Variants in RGS17 observed in about 807,000 individuals in gnomAD.
RGS17 encodes the protein regulator of G-protein signaling 17.
In RGS17, 12 loss-of-function variants were observed where a neutral mutation model predicts 25.5. The ratio of observed to expected loss-of-function variants is 0.47; its 90% CI spans 0.30 to 0.76. RGS17 has a LOEUF of 0.76. RGS17 is among the 30% of genes least tolerant of loss of function. The pLI is 0.07. For synonymous variants in RGS17, 71 were observed against 76.9 expected (o/e 0.92, Z 0.40); for missense variants, 196 against 242.2 (o/e 0.81, Z 1.27).
intron 1 of RGS17, among the ~76,000 whole-genome samples, chr6:153,090,889 A>G (rs1430016362): frequency 2.0e-5 from 3 of 152,124 alleles, no homozygotes; most frequent in Non-Finnish European, 2.9e-5. Flanking sequence ...AGGTGTCCAC[A>G]GGGGTCTTGG....
At chr6:153,056,137 A>G (rs1776553227) in intron 1 of RGS17, among the ~76,000 whole-genome samples, 1 of 152,242 alleles carries the variant, frequency 6.6e-6, no homozygotes, top group South Asian at 2.1e-4. Flanking sequence ...TTCTAAAACA[A>G]GATGTAATAG....
At chr6:153,053,810 G>T (rs954583985) in intron 1 of RGS17, among the ~76,000 whole-genome samples, 2 of 149,022 alleles carry the variant, frequency 1.3e-5, no homozygotes, top group African/African-American at 4.9e-5. Flanking sequence ...AAAGAAAAAA[G>T]AAAAAGAAAG....
intron 1 of RGS17, among the ~76,000 whole-genome samples, chr6:153,061,886 T>C (rs1025461609): frequency 6.6e-5 from 10 of 152,368 alleles, no homozygotes; most frequent in Non-Finnish European, 1.3e-4. Context: ...CTCCAGATAT[T>C]AAGCATATGA....
chr6:153,119,217 T>C (rs1163038761), intron 1 of RGS17, among the ~76,000 whole-genome samples: 3 of 152,166 alleles, frequency 2.0e-5, no homozygotes, highest in Non-Finnish European at 2.9e-5. Flanking sequence ...CAGTCCAAAT[T>C]CTCTGGTACC....
At chr6:153,118,030 T>A (rs1777568203) in intron 1 of RGS17, among the ~76,000 whole-genome samples, 1 of 152,174 alleles carries the variant, frequency 6.6e-6, no homozygotes, top group Admixed American at 6.5e-5. Context: ...GACATTTGAA[T>A]GGAAACTTGA....
At chr6:153,031,985 G>A (rs1667410760) in intron 2 of RGS17, among the ~76,000 whole-genome samples, 1 of 152,188 alleles carries the variant, frequency 6.6e-6, no homozygotes, top group African/African-American at 2.4e-5. Flanking sequence ...TGCTATGGCT[G>A]AGGAGGGCCA....
At chr6:153,109,316 G>C (rs6931160) in intron 1 of RGS17, among the ~76,000 whole-genome samples, 71,016 of 151,946 alleles carry the variant, frequency 0.47, 17,230 homozygotes, top group East Asian at 0.85. Flanking sequence ...AGGGTACTTT[G>C]CCAATGAGTT....
At chr6:153,125,791 G>A (rs1216487146) in intron 1 of RGS17, among the ~76,000 whole-genome samples, 1 of 152,118 alleles carries the variant, frequency 6.6e-6, no homozygotes, top group African/African-American at 2.4e-5. Context: ...GCTACAGTGA[G>A]CCATGACTGA....
chr6:153,094,529 T>G (rs1358005934), intron 1 of RGS17, among the ~76,000 whole-genome samples: 1 of 152,218 alleles, frequency 6.6e-6, no homozygotes, highest in African/African-American at 2.4e-5. Context: ...TTTGATACTT[T>G]TTGAAAATCA....
At chr6:153,027,074 C>G (rs909726069) in intron 2 of RGS17, among the ~76,000 whole-genome samples, 1 of 151,978 alleles carries the variant, frequency 6.6e-6, no homozygotes. Context: ...ATCAAGCTAC[C>G]GGATTTATAT....
chr6:153,039,710 T>C (rs1776298921), intron 2 of RGS17, among the ~76,000 whole-genome samples: 1 of 152,198 alleles, frequency 6.6e-6, no homozygotes, highest in Non-Finnish European at 1.5e-5. Flanking sequence ...AGCTTTAAGC[T>C]CATAATAAAC....
chr6:153,027,996 G>A (rs1402950645), intron 2 of RGS17, among the ~76,000 whole-genome samples: 2 of 152,156 alleles, frequency 1.3e-5, no homozygotes, highest in Non-Finnish European at 2.9e-5. Flanking sequence ...AGGACGGAGA[G>A]AATGGAGCAA....
chr6:153,090,561 G>A (rs984254426), intron 1 of RGS17, among the ~76,000 whole-genome samples: 2 of 151,898 alleles, frequency 1.3e-5, no homozygotes, highest in African/African-American at 4.8e-5. Context: ...GGAGGCTGCA[G>A]GGCTGCAGTG....
intron 4 of RGS17, among the ~76,000 whole-genome samples, chr6:153,020,111 A>ATATATATATATATAT (rs1554235102): frequency 5.0e-4 from 29 of 58,460 alleles, no homozygotes; most frequent in East Asian, 8.8e-4. Context: ...AAAAAAAAAA[A>ATATATATATATATAT]ATATATATAT....
At chr6:153,062,941 C>T (rs1417102306) in intron 1 of RGS17, among the ~76,000 whole-genome samples, 1 of 152,154 alleles carries the variant, frequency 6.6e-6, no homozygotes, top group East Asian at 1.9e-4. Context: ...TGGCAGGATT[C>T]ATCACCTGCT....
At chr6:153,043,669 A>G (rs1776349609) in intron 2 of RGS17, among the ~76,000 whole-genome samples, 1 of 151,792 alleles carries the variant, frequency 6.6e-6, no homozygotes, top group Non-Finnish European at 1.5e-5. Flanking sequence ...ACACCTCTTC[A>G]TTTTTTTTAC....
chr6:153,118,747 T>TA (rs33960972), intron 1 of RGS17, among the ~76,000 whole-genome samples: 93,748 of 151,268 alleles, frequency 0.62, 30,014 homozygotes, highest in East Asian at 0.87. Context: ...CAAGTGCTTT[T>TA]AACAATCACA....
chr6:153,086,668 T>G (rs1257402104), intron 1 of RGS17, among the ~76,000 whole-genome samples: 1 of 152,180 alleles, frequency 6.6e-6, no homozygotes, highest in East Asian at 1.9e-4. Context: ...GAGGTAGGCA[T>G]TATTATTTAA....
chr6:153,052,146 A>ATTGG (rs2129112098), intron 1 of RGS17, among the ~76,000 whole-genome samples: 1 of 152,224 alleles, frequency 6.6e-6, no homozygotes, highest in East Asian at 1.9e-4. Context: ...TGGGGGTAGG[A>ATTGG]CTGGGAGGAG....
Sources: gnomAD v4.1 joint callset for allele counts (sites outside exome capture counted in the v4.1 genomes callset) on GRCh38, gnomAD v4.1.1 for gene constraint, MANE v1.5 for transcripts, NCBI Gene and HGNC (gene_info 2026-07-23, HGNC 2026-07-21) for gene names.